The following SLC44A5 variants were observed in gnomAD, a reference collection of about 807,000 sequenced individuals.
SLC44A5 encodes the protein solute carrier family 44 member 5.
Under a neutral mutation model 101.8 loss-of-function variants are expected in SLC44A5, and 57 were observed. The observed-to-expected ratio is 0.56, with a 90% CI of 0.45 to 0.70. The LOEUF (loss-of-function observed/expected upper bound fraction) is 0.70. SLC44A5 is among the 30% of genes least tolerant of loss of function. The pLI is 0.00. For missense variants in SLC44A5, 737 were observed against 853.1 expected, an observed-to-expected ratio of 0.86 and a Z score of 1.70; for synonymous variants, 281 against 290.9, an observed-to-expected ratio of 0.97 and a Z score of 0.35.
At chr1:75,632,875 G>T in the SLC44A5 span, among the ~76,000 whole-genome samples, 1 of 152,142 alleles carries the variant, frequency 6.6e-6, no homozygotes, top group Non-Finnish European at 1.5e-5. Flanking sequence ...TTGCTGTGAG[G>T]CTAAATCAAT....
At chr1:75,238,449 G>A (rs1570440379) in intron 10 of SLC44A5, 64 bp downstream of exon 10, 5 of 1,294,160 alleles carry the variant, frequency 3.9e-6, no homozygotes, top group Admixed American at 2.6e-5. Flanking sequence ...CCCAATAGGC[G>A]CTTTAGTCTC....
chr1:75,316,905 G>T (rs1655735307), intron 4 of SLC44A5, among the ~76,000 whole-genome samples: 1 of 152,148 alleles, frequency 6.6e-6, no homozygotes, highest in Non-Finnish European at 1.5e-5. Flanking sequence ...ATGCAAATGT[G>T]TAAGGTTGAG....
At position 75,469,739 on chromosome 1, in the gene SLC44A5, G is replaced by A. The variant is rs921913719; in HGVS notation, c.13+71696C>T. Among the ~76,000 whole-genome samples, 5 of 151,780 alleles carry A rather than the reference G, an allele frequency of 3.3e-5. No individual in the cohort carries two copies. The South Asian group carries it at 8.3e-4, about 25-fold the overall frequency. On this transcript the variant is annotated intron_variant, in intron 2 of 23. Coordinates refer to ENST00000370859, the MANE Select transcript of SLC44A5 (RefSeq NM_001130058.2). ...AGACATAGCAAGACGCTGTCTGAAC[G>A]ATAAGTAAATATTATCTGGGCATGG... is the stretch of plus-strand genomic sequence containing the variant.
intron 1 of SLC44A5, among the ~76,000 whole-genome samples, chr1:75,608,146 G>T (rs979574012): frequency 2.6e-5 from 4 of 151,250 alleles, no homozygotes; most frequent in Non-Finnish European, 5.9e-5. Context: ...AGTCCTCCAG[G>T]TTTATCCATG....
At chr1:75,213,816 G>T in intron 21 of SLC44A5, 23 bp from the exon 22 acceptor site, 1 of 1,578,672 alleles carries the variant, frequency 6.3e-7, no homozygotes, top group Non-Finnish European at 8.7e-7. Flanking sequence ...GGTAGAACAT[G>T]TATATTATAC....
chr1:75,704,447 T>C, the SLC44A5 span, among the ~76,000 whole-genome samples: 4 of 152,158 alleles, frequency 2.6e-5, no homozygotes, highest in South Asian at 8.3e-4. Context: ...AAAATACCGA[T>C]ACCTCAGCTC....
intron 3 of SLC44A5, among the ~76,000 whole-genome samples, chr1:75,368,684 T>A (rs966603864): frequency 6.6e-6 from 1 of 150,932 alleles, no homozygotes; most frequent in African/African-American, 2.4e-5. Context: ...ACACTCAAAT[T>A]GGTATTCTGA....
At chr1:75,507,845 C>A (rs1046991785) in intron 2 of SLC44A5, among the ~76,000 whole-genome samples, 1 of 151,820 alleles carries the variant, frequency 6.6e-6, no homozygotes, top group Admixed American at 6.6e-5. Context: ...AATAGAGTAC[C>A]CACTCAACAT....
chr1:75,699,839 A>T, the SLC44A5 span, among the ~76,000 whole-genome samples: 1 of 152,160 alleles, frequency 6.6e-6, no homozygotes, highest in Non-Finnish European at 1.5e-5. Context: ...AAACAAAAAA[A>T]GGCAGGGGTT....
chr1:75,486,149 T>G (rs1487281917), intron 2 of SLC44A5, among the ~76,000 whole-genome samples: 2 of 152,216 alleles, frequency 1.3e-5, no homozygotes, highest in African/African-American at 4.8e-5. Context: ...AAATATGGTA[T>G]TTCTCCTACA....
intron 1 of SLC44A5, among the ~76,000 whole-genome samples, chr1:75,597,582 A>G (rs1311870604): frequency 6.6e-6 from 1 of 152,220 alleles, no homozygotes; most frequent in Non-Finnish European, 1.5e-5. Context: ...ACACCATGGT[A>G]CTGTTACAAA....
intron 2 of SLC44A5, among the ~76,000 whole-genome samples, chr1:75,480,430 G>C (rs1013410534): frequency 3.9e-5 from 6 of 152,158 alleles, no homozygotes; most frequent in Non-Finnish European, 8.8e-5. Flanking sequence ...AGGAAATAAA[G>C]GGTATTCGAT....
intron 5 of SLC44A5, among the ~76,000 whole-genome samples, chr1:75,281,612 A>T (rs1324359102): frequency 1.8e-5 from 2 of 111,836 alleles, no homozygotes; most frequent in Non-Finnish European, 3.6e-5. Context: ...TAAGAGGGGA[A>T]ATTGTTTCCT....
At chr1:75,227,946 C>A (rs767408858) in intron 12 of SLC44A5, 89 bp from the exon 13 acceptor site, 1 of 1,057,912 alleles carries the variant, frequency 9.5e-7, no homozygotes, top group Non-Finnish European at 1.3e-6. Flanking sequence ...CTATATGAAA[C>A]TGATCAGCAT....
chr1:75,677,989 G>C, the SLC44A5 span: 7 of 184,386 alleles, frequency 3.8e-5, no homozygotes, highest in African/African-American at 1.4e-4. Flanking sequence ...CCTAATCAAA[G>C]AAAGGGGTGA....
At chr1:75,394,100 T>C (rs1349644292) in intron 3 of SLC44A5, among the ~76,000 whole-genome samples, 1 of 152,064 alleles carries the variant, frequency 6.6e-6, no homozygotes, top group Non-Finnish European at 1.5e-5. Flanking sequence ...ACCCAGACTT[T>C]AAGTGTGAGC....
intron 9 of SLC44A5, among the ~76,000 whole-genome samples, chr1:75,240,567 A>G (rs1476663747): frequency 6.6e-6 from 1 of 152,084 alleles, no homozygotes; most frequent in Non-Finnish European, 1.5e-5. Flanking sequence ...ATAAAAATTT[A>G]TAACATTGAT....
At chr1:75,544,158 T>C (rs1184611268) in intron 1 of SLC44A5, among the ~76,000 whole-genome samples, 3 of 152,136 alleles carry the variant, frequency 2.0e-5, no homozygotes, top group Non-Finnish European at 4.4e-5. Context: ...TTAATGCTGT[T>C]ATCAAGGGCG....
At chr1:75,260,093 A>G (rs1014068017) in intron 6 of SLC44A5, among the ~76,000 whole-genome samples, 5 of 152,194 alleles carry the variant, frequency 3.3e-5, no homozygotes, top group African/African-American at 1.2e-4. Context: ...TGTAAAGACC[A>G]TCGATGCTAG....
Sources: gnomAD v4.1 joint callset for allele counts (sites outside exome capture counted in the v4.1 genomes callset) on GRCh38, gnomAD v4.1.1 for gene constraint, MANE v1.5 for transcripts, NCBI Gene and HGNC (gene_info 2026-07-23, HGNC 2026-07-21) for gene names.